SEMA3D: variants seen among roughly 807,000 people sequenced by gnomAD.
SEMA3D encodes the protein semaphorin-3D.
In SEMA3D, 84 loss-of-function variants were observed where a neutral mutation model predicts 100.1. That is an observed-to-expected ratio of 0.84 (90% CI 0.70 to 1.01). The LOEUF is 1.01. Among genes scored for constraint, SEMA3D ranks in the 50% least tolerant of loss-of-function variants. SEMA3D has a pLI of 0.00. For synonymous variants in SEMA3D, 312 were observed against 320.7 expected, an observed-to-expected ratio of 0.97 and a Z score of 0.29; for missense variants, 875 against 934.1, an observed-to-expected ratio of 0.94 and a Z score of 0.82.
chr7:85,146,159 T>C (rs1790198419), intron 2 of SEMA3D, among the ~76,000 whole-genome samples: 1 of 152,178 alleles, frequency 6.6e-6, no homozygotes, highest in Admixed American at 6.6e-5. Context: ...CAATCGACTT[T>C]ATATTTGTAT....
the SEMA3D span, among the ~76,000 whole-genome samples, chr7:85,250,072 G>A: frequency 6.6e-6 from 1 of 152,142 alleles, no homozygotes; most frequent in Non-Finnish European, 1.5e-5. Context: ...CAAGGGGTCA[G>A]GGAGTTCCCT....
chr7:85,111,004 T>C (rs1417434749), intron 3 of SEMA3D, among the ~76,000 whole-genome samples: 2 of 152,072 alleles, frequency 1.3e-5, no homozygotes, highest in African/African-American at 4.8e-5. Flanking sequence ...ATTAGCTGAC[T>C]TTGACACCAC....
intron 3 of SEMA3D, among the ~76,000 whole-genome samples, chr7:85,119,012 A>C (rs977372537): frequency 2.0e-5 from 3 of 152,004 alleles, no homozygotes; most frequent in South Asian, 2.1e-4. Flanking sequence ...GAAAAAAAAA[A>C]CTCAACATCA....
chr7:84,998,474 A>G lies in SEMA3D; in HGVS notation c.*966T>C, dbSNP rs2115686521. ...TTTAACAGATGAATTACAAATTGGC[A>G]GCTACTTATACCCTAGTGAAAAGAG... On this transcript the variant is annotated 3_prime_UTR_variant, in exon 19 of 19. Transcript: ENST00000284136. The G allele has an allele frequency of 6.6e-6, 1 of 152,198 alleles. No homozygotes were observed. Among genetic ancestry groups the G allele is most frequent in the East Asian group, 1.9e-4 (1 of 5,174 alleles). 9.4% of individuals were successfully genotyped at this position (152,198 alleles called of 1,614,324 possible). A position where few individuals can be genotyped will look rare whatever the true frequency, so the allele number is the denominator to read the frequency against.
intron 12 of SEMA3D, among the ~76,000 whole-genome samples, chr7:85,030,338 A>G (rs1790512518): frequency 6.6e-6 from 1 of 152,062 alleles, no homozygotes. Context: ...AAATATTTAA[A>G]AAGTACCTAT....
At position 85,056,465 on chromosome 7, in the gene SEMA3D, G is replaced by A. The variant is rs955781600; in HGVS notation, c.719-606C>T. 4.0e-5 allele frequency among the ~76,000 whole-genome samples: 6 copies of A among 151,412 alleles called. 1 individual carries two copies. The highest frequency in any genetic ancestry group is 4.2e-4 in the South Asian group (2 of 4,806). On this transcript the variant is annotated intron_variant, in intron 8 of 18. Coordinates refer to ENST00000284136, the MANE Select transcript of SEMA3D (RefSeq NM_001384900.1). ...TCATATGTAATATAAGACTACCAACGTCATCTACCTAATAAGATAATTTAT... is the reference window on the plus strand; with the variant it reads ...TCATATGTAATATAAGACTACCAACATCATCTACCTAATAAGATAATTTAT...
At chr7:85,018,911 A>C (rs924919511) in intron 14 of SEMA3D, among the ~76,000 whole-genome samples, 2 of 151,726 alleles carry the variant, frequency 1.3e-5, no homozygotes, top group Non-Finnish European at 3.0e-5. Context: ...TGGCTTAAAA[A>C]ATTTTCCATC....
At chr7:85,082,399 T>G (rs1386361116) in intron 4 of SEMA3D, among the ~76,000 whole-genome samples, 1 of 152,234 alleles carries the variant, frequency 6.6e-6, no homozygotes, top group East Asian at 1.9e-4. Flanking sequence ...GTAGGAATTC[T>G]GTAAGAAAGT....
At chr7:85,242,981 G>A in the SEMA3D span, among the ~76,000 whole-genome samples, 1 of 152,098 alleles carries the variant, frequency 6.6e-6, no homozygotes. Context: ...TGCGGGGAGA[G>A]AAAATATTAT....
the SEMA3D span, among the ~76,000 whole-genome samples, chr7:85,228,973 T>C: frequency 6.6e-6 from 1 of 152,056 alleles, no homozygotes; most frequent in Non-Finnish European, 1.5e-5. Context: ...TCTGTAAGTT[T>C]CCATAAAGTG....
At chr7:85,076,983 G>A (rs754143690) in intron 5 of SEMA3D, among the ~76,000 whole-genome samples, 2 of 151,830 alleles carry the variant, frequency 1.3e-5, no homozygotes, top group African/African-American at 2.4e-5. Flanking sequence ...GCAGTTGCCT[G>A]TAATCCCAGC....
intron 3 of SEMA3D, among the ~76,000 whole-genome samples, 186 bp from the exon 4 acceptor site, chr7:85,098,151 C>T (rs1788627158): frequency 6.6e-6 from 1 of 151,366 alleles, no homozygotes; most frequent in Non-Finnish European, 1.5e-5. Context: ...ATTTACTTGC[C>T]TAAATATACA....
At chr7:85,231,864 G>C in the SEMA3D span, among the ~76,000 whole-genome samples, 2 of 152,020 alleles carry the variant, frequency 1.3e-5, no homozygotes, top group South Asian at 4.2e-4. Context: ...ATTGGCTAAG[G>C]GAAAAGTGGT....
At chr7:85,081,126 T>C (rs2116231381) in intron 5 of SEMA3D, among the ~76,000 whole-genome samples, 1 of 152,282 alleles carries the variant, frequency 6.6e-6, no homozygotes, top group South Asian at 2.1e-4. Flanking sequence ...TCAATTCTGT[T>C]TGTGATGCTA....
At chr7:85,150,041 T>C (rs552819694) in intron 2 of SEMA3D, among the ~76,000 whole-genome samples, 2 of 152,146 alleles carry the variant, frequency 1.3e-5, no homozygotes, top group East Asian at 3.9e-4. Flanking sequence ...AGGATCTCAG[T>C]GTTCAATCTG....
chr7:85,036,209 C>A (rs1402325927), intron 12 of SEMA3D, among the ~76,000 whole-genome samples: 1 of 151,924 alleles, frequency 6.6e-6, no homozygotes, highest in Non-Finnish European at 1.5e-5. Flanking sequence ...ATAATATCAA[C>A]AAATGTTTTA....
the SEMA3D span, among the ~76,000 whole-genome samples, chr7:85,250,037 G>C: frequency 6.6e-6 from 1 of 152,128 alleles, no homozygotes; most frequent in Non-Finnish European, 1.5e-5. Flanking sequence ...AAAGCAGGGC[G>C]AGGCATTGCC....
intron 12 of SEMA3D, among the ~76,000 whole-genome samples, chr7:85,033,916 A>G (rs11771699): frequency 0.22 from 33,368 of 150,628 alleles, 4,233 homozygotes; most frequent in Non-Finnish European, 0.3. Flanking sequence ...AGGTAAAAAT[A>G]TATAATTTAA....
chr7:85,174,633 A>C (rs1791178385), intron 1 of SEMA3D, among the ~76,000 whole-genome samples: 1 of 152,108 alleles, frequency 6.6e-6, no homozygotes, highest in South Asian at 2.1e-4. Flanking sequence ...GTGGCACTAG[A>C]AGTAAGGGAG....
Sources: allele counts gnomAD v4.1 joint callset (sites outside exome capture counted in the v4.1 genomes callset), GRCh38; gene constraint gnomAD v4.1.1; transcripts MANE v1.5; gene names NCBI Gene and HGNC (gene_info 2026-07-23, HGNC 2026-07-21).